The following FLI1 variants were observed in gnomAD, a reference collection of about 807,000 sequenced individuals.
FLI1 encodes Fli-1 proto-oncogene, ETS transcription factor.
In FLI1, 13 loss-of-function variants were observed where a neutral mutation model predicts 53.1. That is an observed-to-expected ratio of 0.24 (90% CI 0.16 to 0.39). FLI1 has a LOEUF of 0.39. FLI1 is among the 10% of genes least tolerant of loss of function. The pLI is 1.00. For synonymous variants in FLI1, 244 were observed against 236.7 expected, an observed-to-expected ratio of 1.03 and a Z score of -0.28; for missense variants, 424 against 600.5, an observed-to-expected ratio of 0.71 and a Z score of 3.07.
Position 128,810,398 on chromosome 11 carries a change from G to A in FLI1, c.830-61G>A, listed in dbSNP as rs1357901812. 5 of 1,488,914 alleles carry A rather than the reference G, an allele frequency of 3.4e-6. No homozygotes were observed. In the East Asian group the frequency reaches 9.8e-5, roughly 29 times the overall value. 92.2% of individuals were successfully genotyped at this position (1,488,914 alleles called of 1,614,324 possible). The stretch of plus-strand genomic sequence containing the variant: ...AGAAGCTCCCTGCATTTAGGGAACT[G>A]GGTTCTGCCTTCTCTGGGCTGAGGT... On this transcript the variant is annotated intron_variant, in intron 8 of 8. Coordinates refer to ENST00000527786, the MANE Select transcript of FLI1 (RefSeq NM_002017.5). This position sits in a 1 kb window ranked among gnomAD's most constrained non-coding sequence, Gnocchi z 6.6.
At chr11:128,725,664 GTGTGTGTGTGTT>G (rs1939444758) in intron 1 of FLI1, among the ~76,000 whole-genome samples, 5 of 40,784 alleles carry the variant, frequency 1.2e-4, no homozygotes, top group Non-Finnish European at 4.0e-4. Flanking sequence ...CTCTCTCTCT[GTGTGTGTGTGTT>G]TGTGTGTGTG....
chr11:128,712,118 C>T (rs939415317), intron 1 of FLI1, among the ~76,000 whole-genome samples: 1 of 152,082 alleles, frequency 6.6e-6, no homozygotes, highest in Non-Finnish European at 1.5e-5. Context: ...GGGGGCAGAT[C>T]CCTGGTGAAG....
chr11:128,756,268 GT>G (rs916066229), intron 1 of FLI1, among the ~76,000 whole-genome samples: 1 of 152,192 alleles, frequency 6.6e-6, no homozygotes, highest in African/African-American at 2.4e-5. Context: ...AGCAGGGTTG[GT>G]TTTCCTCAGA....
intron 2 of FLI1, among the ~76,000 whole-genome samples, chr11:128,764,344 A>T (rs896500601): frequency 2.6e-5 from 4 of 152,260 alleles, no homozygotes; most frequent in African/African-American, 9.6e-5. Flanking sequence ...AGCTATGTCC[A>T]GTGGTGGAAA....
chr11:128,708,682 C>A (rs1374930613), intron 1 of FLI1, among the ~76,000 whole-genome samples: 1 of 152,070 alleles, frequency 6.6e-6, no homozygotes. Context: ...TCAAGAAAAG[C>A]GTGAATTAAT....
chr11:128,695,372 CT>C (rs1267470665), intron 1 of FLI1, among the ~76,000 whole-genome samples: 1 of 152,208 alleles, frequency 6.6e-6, no homozygotes, highest in Admixed American at 6.5e-5. Flanking sequence ...AGCTTCGAGG[CT>C]GCCGCGCAAC....
At chr11:128,718,319 C>G (rs1939106856) in intron 1 of FLI1, among the ~76,000 whole-genome samples, 1 of 152,228 alleles carries the variant, frequency 6.6e-6, no homozygotes, top group African/African-American at 2.4e-5. Flanking sequence ...TGTGTGTGGT[C>G]TGAGCAAATC....
chr11:128,685,494 C>T (rs1434100808), upstream of FLI1, among the ~76,000 whole-genome samples: 1 of 151,984 alleles, frequency 6.6e-6, no homozygotes, highest in Non-Finnish European at 1.5e-5. Flanking sequence ...TCTCCTTTCT[C>T]CGGCTTTCTT....
At chr11:128,804,259 C>T (rs960144594) in intron 5 of FLI1, 2 of 152,206 alleles carry the variant, frequency 1.3e-5, no homozygotes, top group African/African-American at 4.8e-5. Context: ...TTGTGTTTCA[C>T]CCCGTCAGAC....
chr11:128,710,177 T>C (rs1329043482), intron 1 of FLI1, among the ~76,000 whole-genome samples: 2 of 152,140 alleles, frequency 1.3e-5, no homozygotes, highest in Non-Finnish European at 2.9e-5. Flanking sequence ...CAAGTATGAT[T>C]ATGTGACCAG....
At chr11:128,789,033 T>C (rs978946426) in intron 5 of FLI1, among the ~76,000 whole-genome samples, 1 of 152,228 alleles carries the variant, frequency 6.6e-6, no homozygotes, top group Non-Finnish European at 1.5e-5. Context: ...CCTGTGTGGA[T>C]GTCCTTTATG....
At chr11:128,690,849 A>G (rs1443294005), upstream of FLI1, among the ~76,000 whole-genome samples, 1 of 152,064 alleles carries the variant, frequency 6.6e-6, no homozygotes, top group East Asian at 1.9e-4. Flanking sequence ...ACCAGCCCCG[A>G]GCTGCTGGAA....
chr11:128,695,141 GC>G (rs1263526757), intron 1 of FLI1, among the ~76,000 whole-genome samples: 1 of 152,278 alleles, frequency 6.6e-6, no homozygotes, highest in East Asian at 1.9e-4. Flanking sequence ...CCCCGCGCCC[GC>G]CCGGCCATTC....
At chr11:128,745,962 A>T (rs1193755144) in intron 1 of FLI1, among the ~76,000 whole-genome samples, 1 of 152,206 alleles carries the variant, frequency 6.6e-6, no homozygotes, top group Non-Finnish European at 1.5e-5. Flanking sequence ...TAGGACCTCA[A>T]GTGGTTGTTT....
chr11:128,787,226 G>A (rs183406764), intron 5 of FLI1, among the ~76,000 whole-genome samples: 43 of 152,294 alleles, frequency 2.8e-4, no homozygotes, highest in African/African-American at 9.9e-4. Context: ...TGCCAAGCAC[G>A]TTCCTATCCA....
chr11:128,739,229 G>C (rs1940028974), intron 1 of FLI1, among the ~76,000 whole-genome samples: 1 of 152,146 alleles, frequency 6.6e-6, no homozygotes, highest in African/African-American at 2.4e-5. Context: ...CCATTCTTAG[G>C]AACGTGGTTC....
At chr11:128,796,981 A>AAAAC (rs371147091) in intron 5 of FLI1, among the ~76,000 whole-genome samples, 11 of 152,240 alleles carry the variant, frequency 7.2e-5, no homozygotes, top group African/African-American at 1.4e-4. Flanking sequence ...GTCTCAAAAC[A>AAAAC]AAACAAACAA....
At chr11:128,761,049 A>T (rs1307269840) in intron 2 of FLI1, among the ~76,000 whole-genome samples, 1 of 152,198 alleles carries the variant, frequency 6.6e-6, no homozygotes, top group Non-Finnish European at 1.5e-5. Flanking sequence ...TCAATGGCTT[A>T]TGACAAAATG....
intron 6 of FLI1, chr11:128,806,022 G>C (rs1487868696): frequency 6.6e-6 from 1 of 151,964 alleles, no homozygotes; most frequent in Non-Finnish European, 1.5e-5. Context: ...AAGAGAATAA[G>C]GGGCAAGAAT....
Sources: gnomAD v4.1 joint callset for allele counts (sites outside exome capture counted in the v4.1 genomes callset) on GRCh38, gnomAD v4.1.1 for gene constraint, Gnocchi (gnomAD v3.1) non-coding constraint, MANE v1.5 for transcripts, NCBI Gene and HGNC (gene_info 2026-07-23, HGNC 2026-07-21) for gene names.